Variants in GRIP1 observed in about 807,000 individuals in gnomAD.
GRIP1 encodes the protein glutamate receptor interacting protein 1.
In GRIP1, 45 loss-of-function variants were observed where a neutral mutation model predicts 129.9. The ratio of observed to expected loss-of-function variants is 0.35; its 90% confidence interval spans 0.27 to 0.44. The LOEUF (loss-of-function observed/expected upper bound fraction) is 0.44. GRIP1 is among the 20% of genes least tolerant of loss of function. The pLI is 1.00. For synonymous variants in GRIP1, 530 were observed against 520.8 expected (o/e 1.02, Z -0.24); for missense variants, 1,196 against 1,396.8 (o/e 0.86, Z 2.29).
At chr12:67,030,728 C>T (rs761865025) in intron 1 of GRIP1, among the ~76,000 whole-genome samples, 1 of 152,090 alleles carries the variant, frequency 6.6e-6, no homozygotes, top group Non-Finnish European at 1.5e-5. Flanking sequence ...CATTTTAACC[C>T]CCTATCATTT....
intron 1 of GRIP1, among the ~76,000 whole-genome samples, chr12:66,926,933 T>C (rs530667936): frequency 1.6e-4 from 24 of 152,314 alleles, no homozygotes; most frequent in Admixed American, 1.4e-3. Flanking sequence ...CACAATATTC[T>C]CCCAAATCTA....
intron 1 of GRIP1, among the ~76,000 whole-genome samples, chr12:66,641,387 G>C (rs1053685737): frequency 9.8e-5 from 15 of 152,304 alleles, no homozygotes; most frequent in South Asian, 6.2e-4. Context: ...AGTCAGATTG[G>C]GGGAGGAAGG....
chr12:66,653,617 C>T (rs75465791), intron 1 of GRIP1, among the ~76,000 whole-genome samples: 6 of 152,138 alleles, frequency 3.9e-5, no homozygotes, highest in Non-Finnish European at 7.4e-5. Context: ...AAACTGTTGA[C>T]GCACACTAGA....
intron 1 of GRIP1, among the ~76,000 whole-genome samples, chr12:67,043,574 G>A (rs2135821079): frequency 6.6e-6 from 1 of 152,196 alleles, no homozygotes; most frequent in South Asian, 2.1e-4. Context: ...TAATTAAGTG[G>A]CGTTTGGCTT....
chr12:66,942,632 AGT>A (rs998540592), intron 1 of GRIP1, among the ~76,000 whole-genome samples: 2 of 152,206 alleles, frequency 1.3e-5, no homozygotes, highest in Non-Finnish European at 2.9e-5. Context: ...CAGAATAAGC[AGT>A]GTGTGCTATG....
At chr12:66,476,278 A>T (rs2059607279) in intron 7 of GRIP1, among the ~76,000 whole-genome samples, 1 of 152,198 alleles carries the variant, frequency 6.6e-6, no homozygotes, top group Non-Finnish European at 1.5e-5. Flanking sequence ...GAAATCCATA[A>T]ATTCCTGGAC....
chr12:66,355,806 A>G (rs1319409897), intron 23 of GRIP1, among the ~76,000 whole-genome samples: 1 of 152,176 alleles, frequency 6.6e-6, no homozygotes, highest in Non-Finnish European at 1.5e-5. Flanking sequence ...CACCTGTCAC[A>G]TAGTGGGGTT....
chr12:66,460,691 T>G (rs2059110630), intron 9 of GRIP1, among the ~76,000 whole-genome samples: 1 of 152,216 alleles, frequency 6.6e-6, no homozygotes. Context: ...GCTTTACTGC[T>G]AACACAATCT....
In GRIP1 at chr12:66,885,188, T is replaced by C. The variant is rs141680865; in HGVS notation, c.58+183862A>G. Reference sequence around the variant, plus strand: ...ATAAGCTGAGGAGACTCATGATCCCTGTTCAACCGAAACTCTCAGTGGTGC... The same window carrying C: ...ATAAGCTGAGGAGACTCATGATCCCCGTTCAACCGAAACTCTCAGTGGTGC... On this transcript the variant is annotated intron_variant, in intron 1 of 1. Transcript: ENST00000643019. Among the ~76,000 whole-genome samples, 307 of 152,244 alleles carry C rather than the reference T, an allele frequency of 2.0e-3. 1 individual carries two copies. Among genetic ancestry groups the C allele is most frequent in the African/African-American group, 6.9e-3 (286 of 41,554 alleles).
intron 1 of GRIP1, among the ~76,000 whole-genome samples, chr12:66,664,740 C>T (rs934562194): frequency 6.6e-6 from 1 of 152,016 alleles, no homozygotes; most frequent in Non-Finnish European, 1.5e-5. Flanking sequence ...ACATAATATA[C>T]CCAGTTCAGT....
At chr12:66,800,223 A>G (rs1347002915) in intron 1 of GRIP1, among the ~76,000 whole-genome samples, 1 of 152,152 alleles carries the variant, frequency 6.6e-6, no homozygotes, top group Admixed American at 6.6e-5. Context: ...TTTCCCTGAA[A>G]TGACCCCAGT....
chr12:66,475,471 A>G (rs2059576354), intron 7 of GRIP1, among the ~76,000 whole-genome samples: 1 of 152,216 alleles, frequency 6.6e-6, no homozygotes, highest in Non-Finnish European at 1.5e-5. Context: ...GCTCTGCACC[A>G]AGCAGACCTA....
At chr12:66,380,778 G>A (rs146326505) in intron 19 of GRIP1, among the ~76,000 whole-genome samples, 1,774 of 152,260 alleles carry the variant, frequency 0.012, 19 homozygotes, top group Non-Finnish European at 0.019. Context: ...TGATTCCATA[G>A]CTTGTGCTGT....
At chr12:66,414,297 A>G (rs2057506494) in intron 15 of GRIP1, among the ~76,000 whole-genome samples, 1 of 152,134 alleles carries the variant, frequency 6.6e-6, no homozygotes, top group Non-Finnish European at 1.5e-5. Context: ...TTATACACCA[A>G]CAATAGGCAA....
intron 2 of GRIP1, among the ~76,000 whole-genome samples, chr12:66,547,657 G>T (rs541874149): frequency 3.7e-4 from 57 of 152,236 alleles, no homozygotes; most frequent in African/African-American, 1.3e-3. Context: ...TATGCTAAGG[G>T]CAAAAAGTCA....
intron 1 of GRIP1, among the ~76,000 whole-genome samples, chr12:66,988,894 A>G (rs1306366801): frequency 6.6e-6 from 1 of 152,226 alleles, no homozygotes; most frequent in Non-Finnish European, 1.5e-5. Flanking sequence ...ATCGGCTAAC[A>G]TGCAAAACTC....
intron 7 of GRIP1, among the ~76,000 whole-genome samples, chr12:66,472,340 G>T (rs1019269009): frequency 2.0e-5 from 3 of 152,184 alleles, no homozygotes; most frequent in Non-Finnish European, 4.4e-5. Flanking sequence ...GGGATCCCAT[G>T]CCAAGAAGGT....
intron 2 of GRIP1, among the ~76,000 whole-genome samples, chr12:66,566,317 T>G (rs1485106123): frequency 6.6e-6 from 1 of 152,012 alleles, no homozygotes; most frequent in Admixed American, 6.6e-5. Context: ...TTATTGAGAG[T>G]TTTTAGCATG....
chr12:66,497,820 C>A (rs1454098970), intron 7 of GRIP1, among the ~76,000 whole-genome samples: 1 of 152,150 alleles, frequency 6.6e-6, no homozygotes, highest in East Asian at 1.9e-4. Context: ...TCCCCTGTGA[C>A]TTGCACGTAT....
Sources: gnomAD v4.1 joint callset for allele counts (sites outside exome capture counted in the v4.1 genomes callset) on GRCh38, gnomAD v4.1.1 for gene constraint, MANE v1.5 for transcripts, NCBI Gene and HGNC (gene_info 2026-07-23, HGNC 2026-07-21) for gene names.